PLBD1: variants seen among roughly 807,000 people sequenced by gnomAD.
PLBD1 encodes phospholipase B domain containing 1.
A neutral mutation model predicts 63.0 loss-of-function variants in PLBD1; 60 were observed. The ratio of observed to expected loss-of-function variants is 0.95; its 90% CI spans 0.77 to 1.18. The LOEUF is 1.18. Among genes scored for constraint, PLBD1 ranks in the 50% most tolerant of loss-of-function variants. PLBD1 has a pLI of 0.00. For missense variants in PLBD1, 598 were observed against 677.9 expected, an observed-to-expected ratio of 0.88 and a Z score of 1.31; for synonymous variants, 262 against 248.0, an observed-to-expected ratio of 1.06 and a Z score of -0.53.
chr12:14,506,821 A>G (rs898001318), intron 9 of PLBD1, 112 bp downstream of exon 9: 17 of 912,122 alleles, frequency 1.9e-5, no homozygotes, highest in Middle Eastern at 2.6e-4. Context: ...AAATACTTAA[A>G]TAACTTCTTA....
Position 14,567,716 on chromosome 12 carries a change from T to C in PLBD1, c.-20A>G, listed in dbSNP as rs1322922112. The C allele has an allele frequency of 2.1e-6, 3 of 1,406,140 alleles. No individual in the cohort carries two copies. Among genetic ancestry groups the C allele is most frequent in the Non-Finnish European group, 2.7e-6 (3 of 1,093,668 alleles). 87.1% of individuals were successfully genotyped at this position (1,406,140 alleles called of 1,614,324 possible). ...GGTCATCGCTCCACGGCCGCGACCTTCCTCTGCGGGATCAGGCGGCCGCGG... is the reference window on the plus strand; with the variant it reads ...GGTCATCGCTCCACGGCCGCGACCTCCCTCTGCGGGATCAGGCGGCCGCGG... On this transcript the variant is annotated 5_prime_UTR_variant, in exon 1 of 11. Transcript: ENST00000240617.
chr12:14,514,070 T>C (rs766261751), intron 6 of PLBD1, among the ~76,000 whole-genome samples: 91 of 152,248 alleles, frequency 6.0e-4, no homozygotes, highest in Non-Finnish European at 1.0e-3. Flanking sequence ...TGAGCCACCG[T>C]GCCCGGCCCC....
At chr12:14,536,873 G>A (rs1016536062) in intron 4 of PLBD1, among the ~76,000 whole-genome samples, 163 bp from the exon 5 acceptor site, 2 of 152,124 alleles carry the variant, frequency 1.3e-5, no homozygotes, top group East Asian at 1.9e-4. Flanking sequence ...TGGATCTCCC[G>A]AGGTGAGGGG....
intron 6 of PLBD1, among the ~76,000 whole-genome samples, chr12:14,528,348 A>G (rs557227212): frequency 6.6e-6 from 1 of 152,302 alleles, no homozygotes; most frequent in African/African-American, 2.4e-5. Context: ...ACAGGTCTCA[A>G]TAAAGTTAAA....
intron 4 of PLBD1, among the ~76,000 whole-genome samples, chr12:14,540,254 A>G (rs1056139464): frequency 2.6e-5 from 4 of 151,076 alleles, no homozygotes; most frequent in Non-Finnish European, 5.9e-5. Flanking sequence ...ATTTAGACAT[A>G]TATTATCACG....
intron 6 of PLBD1, among the ~76,000 whole-genome samples, chr12:14,523,512 A>G (rs1489871415): frequency 6.6e-6 from 1 of 152,218 alleles, no homozygotes; most frequent in African/African-American, 2.4e-5. Flanking sequence ...AAAGACCCCA[A>G]ATAGTCAAAG....
Position 14,542,349 on chromosome 12 carries a change from A to C in PLBD1, c.336-58T>G, listed in dbSNP as rs565453989. 5.2e-6 allele frequency: 7 copies of C among 1,333,416 alleles called. No individual in the cohort carries two copies. The East Asian group carries it at 1.6e-4, about 31-fold the overall frequency. The allele number at this position is 1,333,416 out of a possible 1,614,324, so 82.6% of individuals were successfully genotyped here. A position where few individuals can be genotyped will look rare whatever the true frequency, so the allele number is the denominator to read the frequency against. On this transcript the variant is annotated intron_variant, in intron 2 of 10. Transcript: ENST00000240617. ...ATTTTTCTTCTTGGATTTCTCCATCACAGTAAATTATTCAATCATTTGGCT... is the reference window on the plus strand; with the variant it reads ...ATTTTTCTTCTTGGATTTCTCCATCCCAGTAAATTATTCAATCATTTGGCT...
At chr12:14,567,555 C>T (rs1945801684) in intron 1 of PLBD1, 27 bp downstream of exon 1, 1 of 1,477,510 alleles carries the variant, frequency 6.8e-7, no homozygotes, top group Non-Finnish European at 8.9e-7. Flanking sequence ...CCCCGGGCGC[C>T]CCCCGCCCAG....
At chr12:14,540,161 G>A (rs1326758998) in intron 4 of PLBD1, among the ~76,000 whole-genome samples, 2 of 102,564 alleles carry the variant, frequency 1.9e-5, no homozygotes, top group Non-Finnish European at 3.9e-5. Flanking sequence ...CATAATAAAT[G>A]TAACATGTTA....
At chr12:14,515,872 T>G (rs1435666328) in intron 6 of PLBD1, among the ~76,000 whole-genome samples, 1 of 146,160 alleles carries the variant, frequency 6.8e-6, no homozygotes, top group Non-Finnish European at 1.5e-5. Context: ...ACCAACATGG[T>G]GAAACCCCAT....
chr12:14,509,525 G>A (rs1461759841), intron 8 of PLBD1, among the ~76,000 whole-genome samples: 3 of 152,152 alleles, frequency 2.0e-5, no homozygotes, highest in Non-Finnish European at 4.4e-5. Context: ...CCACTGCTTG[G>A]TAGCATATGA....
chr12:14,529,931 A>C (rs984706146), intron 6 of PLBD1, among the ~76,000 whole-genome samples: 3 of 152,210 alleles, frequency 2.0e-5, no homozygotes. Flanking sequence ...AAAAAATCGT[A>C]ATACATTGTG....
At chr12:14,548,328 A>G (rs1461123485) in intron 2 of PLBD1, among the ~76,000 whole-genome samples, 1 of 151,766 alleles carries the variant, frequency 6.6e-6, no homozygotes, top group Non-Finnish European at 1.5e-5. Flanking sequence ...GTGGTGGTGC[A>G]TGCCTGTAAT....
intron 6 of PLBD1, among the ~76,000 whole-genome samples, chr12:14,522,642 C>T (rs943216633): frequency 3.3e-5 from 5 of 152,052 alleles, no homozygotes; most frequent in Admixed American, 2.6e-4. Context: ...TTCAACAGCA[C>T]ATTAAGAAAA....
intron 6 of PLBD1, among the ~76,000 whole-genome samples, chr12:14,525,472 G>GATGGAAAAA: frequency 6.6e-6 from 1 of 152,028 alleles, no homozygotes; most frequent in South Asian, 2.1e-4. Flanking sequence ...GAGAAAAGAG[G>GATGGAAAAA]ATGGAAAAAA....
intron 6 of PLBD1, among the ~76,000 whole-genome samples, chr12:14,527,771 C>G (rs376077612): frequency 1.3e-5 from 2 of 151,062 alleles, no homozygotes; most frequent in Non-Finnish European, 2.9e-5. Flanking sequence ...ATAACAGATA[C>G]CTGTATGTTA....
At chr12:14,506,100 T>C in intron 10 of PLBD1, 62 bp downstream of exon 10, 2 of 1,156,378 alleles carry the variant, frequency 1.7e-6, no homozygotes, top group Non-Finnish European at 2.5e-6. Flanking sequence ...CCTGTGCAAC[T>C]TTGCCTTTGG....
At chr12:14,530,365 C>T (rs1376919767) in intron 6 of PLBD1, 1 of 152,156 alleles carries the variant, frequency 6.6e-6, no homozygotes, top group Non-Finnish European at 1.5e-5. Context: ...CCCACTGTGC[C>T]CTATCTAAAT....
At chr12:14,535,521 C>T (rs1945505763) in intron 6 of PLBD1, 138 bp downstream of exon 6, 1 of 936,292 alleles carries the variant, frequency 1.1e-6, no homozygotes, top group African/African-American at 1.7e-5. Flanking sequence ...CTTCAAAAGC[C>T]CTCTGAAAAT....
Sources: gnomAD v4.1 joint callset for allele counts (sites outside exome capture counted in the v4.1 genomes callset) on GRCh38, gnomAD v4.1.1 for gene constraint, MANE v1.5 for transcripts, NCBI Gene and HGNC (gene_info 2026-07-23, HGNC 2026-07-21) for gene names.